DCC: variants seen among roughly 807,000 people sequenced by gnomAD.
DCC encodes the protein netrin receptor DCC.
A neutral mutation model predicts 172.5 loss-of-function variants in DCC; 58 were observed. The ratio of observed to expected loss-of-function variants is 0.34; its 90% CI spans 0.27 to 0.42. The LOEUF is 0.42. Ranked by LOEUF, DCC falls within the 10% of genes least tolerant of loss-of-function variation. The pLI is 1.00. For missense variants in DCC, 1,740 were observed against 1,791.0 expected (o/e 0.97, Z 0.51); for synonymous variants, 709 against 644.5 (o/e 1.10, Z -1.52).
chr18:52,485,222 G>T (rs2030158352), intron 1 of DCC, among the ~76,000 whole-genome samples: 1 of 152,036 alleles, frequency 6.6e-6, no homozygotes, highest in South Asian at 2.1e-4. Context: ...AAGAAATATG[G>T]AACAGCCAGG....
At chr18:52,992,770 G>A (rs2041414161) in intron 5 of DCC, among the ~76,000 whole-genome samples, 1 of 152,108 alleles carries the variant, frequency 6.6e-6, no homozygotes, top group Non-Finnish European at 1.5e-5. Context: ...CAGGGCAGGA[G>A]TTTGAGACCA....
At chr18:53,446,308 G>A (rs1041887115) in intron 22 of DCC, among the ~76,000 whole-genome samples, 2 of 151,864 alleles carry the variant, frequency 1.3e-5, no homozygotes, top group African/African-American at 4.8e-5. Flanking sequence ...AAAACACATT[G>A]AGCCACATCA....
At chr18:53,259,193 G>A (rs1367410762) in intron 12 of DCC, among the ~76,000 whole-genome samples, 2 of 152,100 alleles carry the variant, frequency 1.3e-5, no homozygotes, top group Non-Finnish European at 2.9e-5. Flanking sequence ...TTTAATTGGA[G>A]CATTTAGCCC....
intron 1 of DCC, among the ~76,000 whole-genome samples, chr18:52,516,235 G>A (rs934779057): frequency 4.6e-5 from 7 of 152,114 alleles, no homozygotes; most frequent in African/African-American, 1.7e-4. Flanking sequence ...GTACTCCTGG[G>A]CATTTATTTC....
At chr18:53,256,530 G>C (rs62097975) in intron 12 of DCC, among the ~76,000 whole-genome samples, 45,233 of 151,544 alleles carry the variant, frequency 0.3, 8,732 homozygotes, top group Non-Finnish European at 0.44. Flanking sequence ...TGTAATATGC[G>C]GCATTATTTC....
At chr18:53,018,623 G>A (rs2041840010) in intron 5 of DCC, among the ~76,000 whole-genome samples, 1 of 152,108 alleles carries the variant, frequency 6.6e-6, no homozygotes, top group African/African-American at 2.4e-5. Flanking sequence ...AAATTAAAAA[G>A]ACCAGGGTTT....
chr18:52,618,118 A>C (rs1393133447), intron 1 of DCC, among the ~76,000 whole-genome samples: 2 of 152,182 alleles, frequency 1.3e-5, no homozygotes, highest in African/African-American at 4.8e-5. Context: ...CAAGCTTGCT[A>C]TTACTATATA....
intron 2 of DCC, among the ~76,000 whole-genome samples, chr18:52,820,743 G>T (rs1172788591): frequency 6.6e-6 from 1 of 152,140 alleles, no homozygotes; most frequent in Non-Finnish European, 1.5e-5. Context: ...AGTTGATTGT[G>T]AACATCTTAG....
intron 5 of DCC, among the ~76,000 whole-genome samples, chr18:53,060,053 G>C (rs2042471527): frequency 6.6e-6 from 1 of 151,488 alleles, no homozygotes; most frequent in South Asian, 2.1e-4. Context: ...ACCCAGGCTG[G>C]AGAGCAGTGG....
At chr18:53,053,095 A>G (rs2144044682) in intron 5 of DCC, among the ~76,000 whole-genome samples, 1 of 152,276 alleles carries the variant, frequency 6.6e-6, no homozygotes, top group South Asian at 2.1e-4. Flanking sequence ...GTGAGCCGAG[A>G]TCGAACCACT....
intron 1 of DCC, among the ~76,000 whole-genome samples, chr18:52,571,180 G>A (rs1427942075): frequency 2.6e-5 from 4 of 152,072 alleles, no homozygotes; most frequent in African/African-American, 9.7e-5. Flanking sequence ...CCAGGAACAT[G>A]ACTCAGCTCC....
chr18:53,167,962 CTCA>C (rs1342701049), intron 8 of DCC, among the ~76,000 whole-genome samples: 4 of 152,096 alleles, frequency 2.6e-5, no homozygotes, highest in African/African-American at 9.7e-5. Context: ...TAACTCCAGG[CTCA>C]TCATCACTGG....
At chr18:52,711,967 AT>A (rs74178681) in intron 1 of DCC, among the ~76,000 whole-genome samples, 8,704 of 147,178 alleles carry the variant, frequency 0.059, 801 homozygotes, top group African/African-American at 0.2. Context: ...TTCCCACTTA[AT>A]TTTTTTTTTT....
intron 1 of DCC, among the ~76,000 whole-genome samples, chr18:52,444,089 C>A (rs2144501533): frequency 6.6e-6 from 1 of 152,226 alleles, no homozygotes; most frequent in East Asian, 1.9e-4. Context: ...CCCATTTAAC[C>A]AAGGGGGAGA....
At chr18:52,868,077 GTA>G (rs1365515503) in intron 2 of DCC, among the ~76,000 whole-genome samples, 2 of 120,404 alleles carry the variant, frequency 1.7e-5, no homozygotes, top group African/African-American at 5.7e-5. Context: ...GTGTGTGTGT[GTA>G]TATATGTGTG....
At position 53,402,777 on chromosome 18, in the gene DCC, A is replaced by G; in HGVS notation, c.2828-9A>G. The G allele has an allele frequency of 6.2e-7, 1 of 1,600,102 alleles. No homozygotes were observed. Among genetic ancestry groups the G allele is most frequent in the Non-Finnish European group, 8.6e-7 (1 of 1,167,426 alleles). On this transcript the variant is annotated splice_polypyrimidine_tract_variant and intron_variant, in intron 18 of 28. Transcript: ENST00000442544. ...AATGACAAGGCCTTATCTCTGTCTC[A>G]CCTCACAGCCCCCACCTCTGCTCCC...
At chr18:52,384,609 G>A (rs535396810) in intron 1 of DCC, among the ~76,000 whole-genome samples, 1 of 152,270 alleles carries the variant, frequency 6.6e-6, no homozygotes, top group East Asian at 1.9e-4. Flanking sequence ...AAGACCCTGT[G>A]TAGCAGGAGA....
At chr18:52,643,303 C>T (rs1037826231) in intron 1 of DCC, among the ~76,000 whole-genome samples, 5 of 152,126 alleles carry the variant, frequency 3.3e-5, no homozygotes, top group African/African-American at 4.8e-5. Flanking sequence ...TACTGGGATG[C>T]TTCATCACTG....
At chr18:53,509,910 T>C (rs528781114) in intron 27 of DCC, among the ~76,000 whole-genome samples, 13 of 152,342 alleles carry the variant, frequency 8.5e-5, no homozygotes, top group African/African-American at 2.6e-4. Flanking sequence ...CAAATGAAAC[T>C]CTGCAAAATT....
Sources: gnomAD v4.1 joint callset for allele counts (sites outside exome capture counted in the v4.1 genomes callset) on GRCh38, gnomAD v4.1.1 for gene constraint, MANE v1.5 for transcripts, NCBI Gene and HGNC (gene_info 2026-07-23, HGNC 2026-07-21) for gene names.